The following HSPA9 variants were observed in gnomAD, a reference collection of about 807,000 sequenced individuals.
HSPA9 encodes the protein stress-70 protein, mitochondrial.
A neutral mutation model predicts 81.5 loss-of-function variants in HSPA9; 28 were observed. The observed-to-expected ratio is 0.34, with a 90% CI of 0.25 to 0.47. The LOEUF is 0.47. Ranked by LOEUF, HSPA9 falls within the 20% of genes least tolerant of loss-of-function variation. The pLI, the probability that HSPA9 is intolerant of heterozygous loss-of-function variation, is 1.00. For synonymous variants in HSPA9, 293 were observed against 290.4 expected (o/e 1.01, Z -0.09); for missense variants, 678 against 838.0 (o/e 0.81, Z 2.36).
chr5:138,568,917 C>G lies in HSPA9; in HGVS notation c.535+8G>C. ...GAACTTTCCCAGATGTGAACTAAACCCACTCACCTGCAGTCTCTTTCATCT... is the reference window on the plus strand; with the variant it reads ...GAACTTTCCCAGATGTGAACTAAACGCACTCACCTGCAGTCTCTTTCATCT... On this transcript the variant is annotated splice_region_variant and intron_variant, in intron 5 of 16. Transcript: ENST00000297185. 6.2e-7 allele frequency: 1 copy of G among 1,613,582 alleles called. No individual in the cohort carries two copies.
intron 10 of HSPA9, among the ~76,000 whole-genome samples, 171 bp downstream of exon 10, chr5:138,561,398 CATGCCCAGCCT>C (rs997487601): frequency 6.6e-6 from 1 of 152,150 alleles, no homozygotes; most frequent in African/African-American, 2.4e-5. Context: ...CGTGAACCAC[CATGCCCAGCCT>C]ATTTTTCAAT....
chr5:138,560,814 C>T (rs1750640639), intron 10 of HSPA9: 1 of 402,928 alleles, frequency 2.5e-6, no homozygotes, highest in Non-Finnish European at 4.8e-6. Context: ...TCCCAAAGTG[C>T]TGGGATTACA....
chr5:138,558,832 T>G, intron 11 of HSPA9, 175 bp from the exon 12 acceptor site: 1 of 601,618 alleles, frequency 1.7e-6, no homozygotes, highest in South Asian at 1.8e-5. Context: ...GTACAGCAAA[T>G]GGGCATACAA....
rs61741189 is a variant in HSPA9 at position 138,568,982 on chromosome 5, A to G, written c.478T>C (p.Leu160=). The G allele has an allele frequency of 2.7e-5, 43 of 1,613,994 alleles. No individual in the cohort carries two copies. In the African/African-American group the frequency reaches 4.8e-4, roughly 18 times the overall value. ...GDAWVEAHGK[L]YSPSQIGAFV... is the part of the protein sequence containing the mutation. The stretch of plus-strand genomic sequence containing the variant: ...GCTCCAATCTGACTCGGAGAATACA[A>G]TTTCCCATGAGCCTCAACCCAGGCA... Residue 160 remains leucine, a synonymous_variant, in exon 5 of 17, where the codon TTG becomes CTG. Transcript: ENST00000297185.
chr5:138,567,844 C>T (rs1264551873), intron 5 of HSPA9, 122 bp from the exon 6 acceptor site: 1 of 752,716 alleles, frequency 1.3e-6, no homozygotes, highest in Non-Finnish European at 2.3e-6. Context: ...GGTAAGTGAC[C>T]TAATATGTCC....
chr5:138,558,011 A>T (rs1312480668), intron 12 of HSPA9, 25 bp from the exon 13 acceptor site: 1 of 1,465,442 alleles, frequency 6.8e-7, no homozygotes, highest in African/African-American at 1.4e-5. Context: ...ATCCAGAGTA[A>T]GGTCCTCTTA....
chr5:138,564,235 C>T (rs145622339), intron 9 of HSPA9, among the ~76,000 whole-genome samples: 7 of 152,208 alleles, frequency 4.6e-5, no homozygotes, highest in Non-Finnish European at 7.3e-5. Context: ...TACTGAGTAG[C>T]TGGGATTACA....
intron 9 of HSPA9, among the ~76,000 whole-genome samples, chr5:138,566,128 C>A (rs1421473918): frequency 7.7e-6 from 1 of 130,396 alleles, no homozygotes; most frequent in Admixed American, 9.4e-5. Flanking sequence ...GCAGAGGTTG[C>A]GGTGAGCCAA....
rs766513932 is a variant in HSPA9, at chr5:138,569,063, A to G, written c.411-14T>C. On this transcript the variant is annotated splice_polypyrimidine_tract_variant and intron_variant, in intron 4 of 16. Coordinates refer to ENST00000297185, the MANE Select transcript of HSPA9 (RefSeq NM_004134.7). ...GGAACATTTTTACTGTAAGACACAA[A>G]AATTCTATTAGAGAAAACTACCTGA... 6.2e-7 allele frequency: 1 copy of G among 1,612,842 alleles called. No homozygotes were observed. The highest frequency in any genetic ancestry group is 8.5e-7 in the Non-Finnish European group (1 of 1,179,080).
rs1209902739 is a variant in HSPA9 at position 138,556,522 on chromosome 5, TCTC to T, written c.1889_1891del (p.Gly630del). 4 of 1,613,988 alleles carry T rather than the reference TCTC, an allele frequency of 2.5e-6. No homozygotes were observed. The highest frequency in any genetic ancestry group is 3.4e-6 in the Non-Finnish European group (4 of 1,179,990). On this transcript the variant is annotated inframe_deletion, in exon 16 of 17. Transcript: ENST00000297185. ...AGAGGATGCTGCCTGTCTAATATTTTCTCCTGTTTCGCTGTCTTTTCTAGCCAG... is the reference window on the plus strand; with the variant it reads ...AGAGGATGCTGCCTGTCTAATATTTTCTGTTTCGCTGTCTTTTCTAGCCAG...
At position 138,557,390 on chromosome 5, in the gene HSPA9, A is replaced by G. The variant is rs757269141; in HGVS notation, c.1728+12T>C. On this transcript the variant is annotated intron_variant, in intron 14 of 16. Coordinates refer to ENST00000297185, the MANE Select transcript of HSPA9 (RefSeq NM_004134.7). ...TACTAAGATTAAAGTTCAGAAGACAAGAAGTAATCACCTTCTTTCGCCGGT... is the reference window on the plus strand; with the variant it reads ...TACTAAGATTAAAGTTCAGAAGACAGGAAGTAATCACCTTCTTTCGCCGGT... The G allele has an allele frequency of 6.4e-7, 1 of 1,566,956 alleles. No homozygotes were observed. Among genetic ancestry groups the G allele is most frequent in the Non-Finnish European group, 8.8e-7 (1 of 1,138,582 alleles).
chr5:138,574,559 AAAAAG>A (rs1308696956), intron 1 of HSPA9, among the ~76,000 whole-genome samples: 2 of 152,236 alleles, frequency 1.3e-5, no homozygotes, highest in African/African-American at 2.4e-5. Context: ...CTTTGAAAGA[AAAAAG>A]AAAAGTAGTG....
In HSPA9 at chr5:138,571,050, C is replaced by A. The variant is rs1283153643; in HGVS notation, c.320G>T (p.Arg107Leu). The A allele has an allele frequency of 6.2e-7, 1 of 1,614,160 alleles. No homozygotes were observed. The highest frequency in any genetic ancestry group is 1.7e-5 in the Admixed American group (1 of 60,018). ...ATTGTTTGGGTTGGTGACAGCCTGT[C>A]GCTTGGCCGGCATTCCAACAAGTCG... ...GERLVGMPAK[R>L]QAVTNPNNTF... The change falls in exon 4 of 17, where the codon CGA becomes CTA. Residue 107 changes from arginine to leucine, a missense_variant. By Grantham distance (102) the Arg-to-Leu change is moderately radical. Transcript: ENST00000297185.
In HSPA9 at chr5:138,568,409, G is replaced by A. The variant is rs564668378; in HGVS notation, c.535+516C>T. ...CCAGCTACGTTGGGGGGGAGGGAGA[G>A]GGCAGGATAATCGCTTGAACCCGGG... On this transcript the variant is annotated intron_variant, in intron 5 of 16. Transcript: ENST00000297185. 1.5e-3 allele frequency among the ~76,000 whole-genome samples: 232 copies of A among 149,776 alleles called. 2 individuals are homozygous for A. The highest frequency in any genetic ancestry group is 0.011 in the Middle Eastern group (3 of 270).
At chr5:138,561,169 G>A (rs566396789) in intron 10 of HSPA9, 11 of 427,954 alleles carry the variant, frequency 2.6e-5, no homozygotes, top group East Asian at 1.3e-4. Context: ...GATGGTGGCC[G>A]GGGGCGGGGT....
At chr5:138,569,570 G>A (rs1164019437) in intron 4 of HSPA9, among the ~76,000 whole-genome samples, 2 of 152,182 alleles carry the variant, frequency 1.3e-5, no homozygotes, top group East Asian at 1.9e-4. Flanking sequence ...AAGGAATGCA[G>A]TACTGACACA....
chr5:138,562,514 G>A (rs1231380983), intron 9 of HSPA9, among the ~76,000 whole-genome samples: 1 of 151,956 alleles, frequency 6.6e-6, no homozygotes, highest in Non-Finnish European at 1.5e-5. Context: ...TTGTGCCACT[G>A]CACTCCAGCC....
intron 12 of HSPA9, 48 bp from the exon 13 acceptor site, chr5:138,558,034 G>T: frequency 8.5e-7 from 1 of 1,177,402 alleles, no homozygotes; most frequent in Non-Finnish European, 1.3e-6. Context: ...GAGGGGTCCA[G>T]TGCTATTATT....
intron 2 of HSPA9, 74 bp from the exon 3 acceptor site, chr5:138,573,924 A>G (rs1751016357): frequency 3.8e-6 from 5 of 1,323,322 alleles, no homozygotes; most frequent in Non-Finnish European, 5.4e-6. Context: ...ATAATATTTA[A>G]TTGGAAAATT....
Sources: gnomAD v4.1 joint callset for allele counts (sites outside exome capture counted in the v4.1 genomes callset) on GRCh38, gnomAD v4.1.1 for gene constraint, MANE v1.5 for transcripts, NCBI Gene and HGNC (gene_info 2026-07-23, HGNC 2026-07-21) for gene names.